RBFOX1: variants seen among roughly 807,000 people sequenced by gnomAD.
RBFOX1 encodes the protein RNA binding fox-1 homolog 1.
In RBFOX1, 8 loss-of-function variants were observed where a neutral mutation model predicts 57.7. The ratio of observed to expected loss-of-function variants is 0.14; its 90% confidence interval spans 0.08 to 0.25. RBFOX1 has a LOEUF of 0.25. Among genes scored for constraint, RBFOX1 ranks in the 10% least tolerant of loss-of-function variants. The probability of loss-of-function intolerance (pLI) is 1.00; values close to 1 mark genes in which losing one functional copy is unlikely to be tolerated. For missense variants in RBFOX1, 611 were observed against 548.5 expected (o/e 1.11, Z -1.14); for synonymous variants, 326 against 222.4 (o/e 1.47, Z -4.15).
chr16:7,107,675 A>G lies in RBFOX1; in HGVS notation c.27+55577A>G, dbSNP rs550443064. ...CAAAACAACCACCAATCCACTTTCT[A>G]TTTCTACACACTAGTTTGCCTTTTC... On this transcript the variant is annotated intron_variant, in intron 4 of 15. Coordinates refer to ENST00000550418, the MANE Select transcript of RBFOX1 (RefSeq NM_018723.4). Among the ~76,000 whole-genome samples the G allele has an allele frequency of 1.8e-4, 28 of 152,100 alleles. 1 individual carries two copies. Among genetic ancestry groups the G allele is most frequent in the African/African-American group, 6.5e-4 (27 of 41,516 alleles).
chr16:6,826,118 T>C (rs2092101526), intron 3 of RBFOX1, among the ~76,000 whole-genome samples: 1 of 152,116 alleles, frequency 6.6e-6, no homozygotes, highest in African/African-American at 2.4e-5. Flanking sequence ...ATCTTGGTCA[T>C]GCCGTCTCAC....
chr16:7,541,010 A>C (rs1254370884), intron 5 of RBFOX1, among the ~76,000 whole-genome samples: 1 of 152,188 alleles, frequency 6.6e-6, no homozygotes, highest in South Asian at 2.1e-4. Context: ...AGTGAGAGAC[A>C]CATTAGATAC....
At chr16:5,916,217 A>G (rs1028018974) in intron 4 of RBFOX1, among the ~76,000 whole-genome samples, 2 of 152,170 alleles carry the variant, frequency 1.3e-5, no homozygotes, top group Non-Finnish European at 2.9e-5. Flanking sequence ...AGATGAAAGG[A>G]TGATTTCTTC....
At chr16:7,120,153 C>G (rs1383563643) in intron 4 of RBFOX1, among the ~76,000 whole-genome samples, 2 of 151,958 alleles carry the variant, frequency 1.3e-5, no homozygotes, top group Non-Finnish European at 2.9e-5. Flanking sequence ...AATGAAAATA[C>G]ATTTTACAAA....
intron 3 of RBFOX1, among the ~76,000 whole-genome samples, chr16:7,047,343 A>G (rs1345800113): frequency 2.6e-5 from 4 of 152,014 alleles, no homozygotes; most frequent in East Asian, 1.9e-4. Flanking sequence ...TTTTTTCAGT[A>G]TTTCAATAAC....
chr16:6,374,610 C>G (rs1002003961), intron 2 of RBFOX1, among the ~76,000 whole-genome samples: 4 of 152,118 alleles, frequency 2.6e-5, no homozygotes, highest in South Asian at 2.1e-4. Context: ...AGACGTTACT[C>G]TAGCTGAAAA....
chr16:6,907,356 T>C (rs1173048750), intron 3 of RBFOX1, among the ~76,000 whole-genome samples: 3 of 152,136 alleles, frequency 2.0e-5, no homozygotes, highest in African/African-American at 7.2e-5. Flanking sequence ...TATCGAGCTG[T>C]CCTTGAGAGA....
intron 1 of RBFOX1, among the ~76,000 whole-genome samples, chr16:5,357,229 G>T (rs114699770): frequency 1.2e-3 from 176 of 152,294 alleles, no homozygotes; most frequent in African/African-American, 4.1e-3. Context: ...AGCCATGTTT[G>T]TTCTACTGGG....
Position 7,684,617 on chromosome 16 carries a change from A to G in RBFOX1, c.995+7779A>G, listed in dbSNP as rs955126175. ...TTCTAACGGGTCTTGGGGACCTGGA[A>G]TTTAAAGAAAAAAAAAAACATGATT... On this transcript the variant is annotated intron_variant, in intron 14 of 15. Coordinates refer to ENST00000550418, the MANE Select transcript of RBFOX1 (RefSeq NM_018723.4). 2.7e-5 allele frequency among the ~76,000 whole-genome samples: 3 copies of G among 109,318 alleles called. 1 individual carries two copies. Among genetic ancestry groups the G allele is most frequent in the South Asian group, 5.0e-4 (2 of 3,964 alleles). The allele number at this position is 109,318 out of a possible 152,430, so 71.7% of individuals were successfully genotyped here.
intron 4 of RBFOX1, among the ~76,000 whole-genome samples, chr16:5,907,189 A>G (rs2058480068): frequency 6.6e-6 from 1 of 152,166 alleles, no homozygotes; most frequent in African/African-American, 2.4e-5. Context: ...GCTTCAGGGC[A>G]ACGTGAACTA....
chr16:7,453,073 G>A (rs2057705748), intron 4 of RBFOX1, among the ~76,000 whole-genome samples: 1 of 148,936 alleles, frequency 6.7e-6, no homozygotes. Context: ...AGGTTGCAGT[G>A]AGCTGAGATC....
chr16:6,226,562 G>C (rs1402862505), intron 1 of RBFOX1, among the ~76,000 whole-genome samples: 1 of 152,046 alleles, frequency 6.6e-6, no homozygotes, highest in Non-Finnish European at 1.5e-5. Context: ...CATATTGTAT[G>C]AATTGGTTTT....
chr16:7,186,774 A>T (rs1602260835), intron 4 of RBFOX1, among the ~76,000 whole-genome samples: 1 of 151,064 alleles, frequency 6.6e-6, no homozygotes, highest in African/African-American at 2.4e-5. Flanking sequence ...TAACAGCATT[A>T]ACTTAAATCT....
At chr16:5,658,995 C>A (rs556736499) in intron 3 of RBFOX1, among the ~76,000 whole-genome samples, 3 of 151,826 alleles carry the variant, frequency 2.0e-5, no homozygotes, top group African/African-American at 7.3e-5. Flanking sequence ...GAGCAATTAT[C>A]TTTTTTGCAT....
At chr16:7,656,641 G>A (rs558109235) in intron 12 of RBFOX1, among the ~76,000 whole-genome samples, 20 of 152,254 alleles carry the variant, frequency 1.3e-4, no homozygotes, top group Non-Finnish European at 2.2e-4. Flanking sequence ...TTTGACTGAC[G>A]TCTTTACCCC....
At chr16:7,189,715 G>A (rs894427027) in intron 4 of RBFOX1, among the ~76,000 whole-genome samples, 3 of 152,226 alleles carry the variant, frequency 2.0e-5, no homozygotes, top group Non-Finnish European at 4.4e-5. Flanking sequence ...TACTGATGGG[G>A]TCTAGGTCAG....
intron 4 of RBFOX1, among the ~76,000 whole-genome samples, chr16:7,388,176 C>T (rs1021330503): frequency 6.6e-6 from 1 of 151,998 alleles, no homozygotes; most frequent in Non-Finnish European, 1.5e-5. Context: ...TTGCATGGAG[C>T]TAGAAAAGAT....
chr16:6,724,611 C>T (rs183951345), intron 3 of RBFOX1, among the ~76,000 whole-genome samples: 63 of 152,240 alleles, frequency 4.1e-4, no homozygotes, highest in African/African-American at 1.3e-3. Flanking sequence ...AAATAAATTT[C>T]TGTTATTTAG....
At chr16:7,654,239 C>T (rs1169120859) in intron 12 of RBFOX1, among the ~76,000 whole-genome samples, 2 of 152,156 alleles carry the variant, frequency 1.3e-5, no homozygotes, top group African/African-American at 2.4e-5. Flanking sequence ...ATGGTTACAG[C>T]CAAAGATGTA....
Sources: allele counts gnomAD v4.1 joint callset (sites outside exome capture counted in the v4.1 genomes callset), GRCh38; gene constraint gnomAD v4.1.1; transcripts MANE v1.5; gene names NCBI Gene and HGNC (gene_info 2026-07-23, HGNC 2026-07-21).